Variants in STK3 observed in about 807,000 individuals in gnomAD.
STK3 encodes serine/threonine-protein kinase 3.
STK3 carries 41 observed loss-of-function variants against 58.0 expected under a neutral mutation model. That is an observed-to-expected ratio of 0.71 (90% CI 0.55 to 0.92). The LOEUF (loss-of-function observed/expected upper bound fraction) is 0.92, where lower values mean the gene tolerates loss of function less well. Ranked by LOEUF, STK3 falls within the 40% of genes least tolerant of loss-of-function variation. The probability of loss-of-function intolerance (pLI) is 0.00; values close to 1 mark genes in which losing one functional copy is unlikely to be tolerated. For missense variants in STK3, 479 were observed against 602.7 expected, an observed-to-expected ratio of 0.79 and a Z score of 2.15; for synonymous variants, 170 against 191.0, an observed-to-expected ratio of 0.89 and a Z score of 0.91.
intron 3 of STK3, among the ~76,000 whole-genome samples, chr8:98,858,355 G>GAGAGAC (rs1192652607): frequency 2.9e-5 from 4 of 137,604 alleles, no homozygotes; most frequent in South Asian, 2.5e-4. Context: ...GAGAGAGAGA[G>GAGAGAC]AGAGACAGAG....
chr8:98,430,919 G>A (rs1021179444), intron 3 of STK3: 1 of 167,064 alleles, frequency 6.0e-6, no homozygotes, highest in Non-Finnish European at 1.5e-5. Flanking sequence ...CCTCTTGTTC[G>A]GTTAACCAGC....
chr8:98,359,126 T>C, the STK3 span, among the ~76,000 whole-genome samples: 1 of 152,124 alleles, frequency 6.6e-6, no homozygotes, highest in Non-Finnish European at 1.5e-5. Context: ...ACCATCCCGC[T>C]ATTCCTGCTG....
downstream of STK3, among the ~76,000 whole-genome samples, chr8:98,400,234 C>T (rs1481616892): frequency 6.6e-6 from 1 of 152,214 alleles, no homozygotes; most frequent in African/African-American, 2.4e-5. Flanking sequence ...GAGATGGTTA[C>T]TGAAGTCCAA....
intron 7 of STK3, chr8:98,595,676 G>A (rs1815755243): frequency 6.1e-6 from 1 of 163,374 alleles, no homozygotes; most frequent in East Asian, 1.7e-4. Context: ...TTTACAACGT[G>A]ATAATCTCTT....
rs61671053 is a variant in STK3 at position 98,817,453 on chromosome 8, C to CAAAAAAAA, written c.26+8054_26+8061dup. 2.3e-5 allele frequency among the ~76,000 whole-genome samples: 3 copies of CAAAAAAAA among 128,990 alleles called. No individual in the cohort carries two copies. The East Asian group carries it at 6.7e-4, about 29-fold the overall frequency. 84.6% of individuals were successfully genotyped at this position (128,990 alleles called of 152,430 possible). A position where few individuals can be genotyped will look rare whatever the true frequency, so the allele number is the denominator to read the frequency against. On this transcript the variant is annotated intron_variant, in intron 1 of 10. Transcript: ENST00000419617. ...TGGGCGACAGAGCAAGACTCCATCTCAAAAAAAAAAAAAAAATAGAAATCA... is the reference window on the plus strand; with the variant it reads ...TGGGCGACAGAGCAAGACTCCATCTCAAAAAAAAAAAAAAAAAAAAAAAATAGAAATCA...
intron 10 of STK3, among the ~76,000 whole-genome samples, chr8:98,513,328 C>A (rs1392632585): frequency 6.6e-6 from 1 of 152,126 alleles, no homozygotes; most frequent in Non-Finnish European, 1.5e-5. Context: ...CACTGGGGTG[C>A]AGTTTTTGTC....
At chr8:98,923,977 C>A (rs527943137) in intron 1 of STK3, among the ~76,000 whole-genome samples, 5 of 151,844 alleles carry the variant, frequency 3.3e-5, no homozygotes, top group African/African-American at 1.2e-4. Context: ...TGTTTAGATT[C>A]ATGATATTAA....
At chr8:98,714,334 C>T (rs1160656879) in intron 4 of STK3, among the ~76,000 whole-genome samples, 1 of 152,202 alleles carries the variant, frequency 6.6e-6, no homozygotes, top group Non-Finnish European at 1.5e-5. Context: ...AAGAGGAAGT[C>T]AAATTGCCCC....
At chr8:98,667,609 A>ATT (rs1416307007) in intron 6 of STK3, among the ~76,000 whole-genome samples, 1 of 152,122 alleles carries the variant, frequency 6.6e-6, no homozygotes, top group East Asian at 1.9e-4. Context: ...TAAAAATTGA[A>ATT]TGTATAAAAG....
intron 1 of STK3, among the ~76,000 whole-genome samples, chr8:98,930,875 T>A (rs1033207913): frequency 6.6e-6 from 1 of 152,220 alleles, no homozygotes; most frequent in Non-Finnish European, 1.5e-5. Context: ...AGCAGACTAC[T>A]TGAGTGGAAT....
intron 10 of STK3, among the ~76,000 whole-genome samples, chr8:98,493,093 A>T (rs751402670): frequency 2.7e-5 from 4 of 150,884 alleles, no homozygotes; most frequent in Non-Finnish European, 4.4e-5. Flanking sequence ...TTTGCCAGGC[A>T]TGGTAGTGTG....
At chr8:98,395,063 G>A (rs1817886304) in intron 3 of STK3, among the ~76,000 whole-genome samples, 1 of 152,190 alleles carries the variant, frequency 6.6e-6, no homozygotes, top group Admixed American at 6.5e-5. Flanking sequence ...GGATCGCTGA[G>A]CCAGGCCATG....
intron 8 of STK3, among the ~76,000 whole-genome samples, chr8:98,564,780 C>G (rs1314467776): frequency 6.6e-6 from 1 of 151,752 alleles, no homozygotes; most frequent in Non-Finnish European, 1.5e-5. Context: ...AAAAGAGAAG[C>G]CTAAGGAGAC....
intron 10 of STK3, among the ~76,000 whole-genome samples, chr8:98,517,004 T>C (rs1265536495): frequency 2.0e-5 from 3 of 152,052 alleles, no homozygotes; most frequent in Non-Finnish European, 4.4e-5. Context: ...GCCTTAATAA[T>C]TAATAATACT....
At chr8:98,622,615 A>T (rs1209178336) in intron 6 of STK3, among the ~76,000 whole-genome samples, 1 of 152,232 alleles carries the variant, frequency 6.6e-6, no homozygotes, top group African/African-American at 2.4e-5. Context: ...ATATTAATAC[A>T]TAGATTTCTG....
chr8:98,592,997 C>T (rs1244157544), intron 7 of STK3, among the ~76,000 whole-genome samples: 4 of 152,084 alleles, frequency 2.6e-5, no homozygotes, highest in Non-Finnish European at 5.9e-5. Flanking sequence ...CTCCTGATCT[C>T]AAGTGATCCA....
intron 1 of STK3, among the ~76,000 whole-genome samples, chr8:98,923,269 G>T (rs73699940): frequency 0.025 from 3,777 of 152,304 alleles, 141 homozygotes; most frequent in African/African-American, 0.084. Flanking sequence ...GATTGAGTTT[G>T]TGGGAGTTAT....
intron 3 of STK3, among the ~76,000 whole-genome samples, chr8:98,833,731 C>T (rs1319565130): frequency 1.3e-5 from 2 of 152,172 alleles, no homozygotes; most frequent in Non-Finnish European, 2.9e-5. Flanking sequence ...CTACTTCCTT[C>T]ATAACCTGAA....
At chr8:98,630,400 G>C (rs1819092107) in intron 6 of STK3, among the ~76,000 whole-genome samples, 1 of 152,174 alleles carries the variant, frequency 6.6e-6, no homozygotes, top group Non-Finnish European at 1.5e-5. Flanking sequence ...CCAGCACTTT[G>C]GGAGGCTAAG....
Sources: allele counts gnomAD v4.1 joint callset (sites outside exome capture counted in the v4.1 genomes callset), GRCh38; gene constraint gnomAD v4.1.1; transcripts MANE v1.5; gene names NCBI Gene and HGNC (gene_info 2026-07-23, HGNC 2026-07-21).